DNAJC2: variants seen among roughly 807,000 people sequenced by gnomAD.
DNAJC2 encodes DnaJ heat shock protein family (Hsp40) member C2.
DNAJC2 carries 32 observed loss-of-function variants against 94.0 expected under a neutral mutation model. That is an observed-to-expected ratio of 0.34 (90% CI 0.26 to 0.46). The LOEUF (loss-of-function observed/expected upper bound fraction) is 0.46, where lower values mean the gene tolerates loss of function less well. Among genes scored for constraint, DNAJC2 ranks in the 20% least tolerant of loss-of-function variants. DNAJC2 has a pLI of 1.00. For synonymous variants in DNAJC2, 210 were observed against 229.7 expected (o/e 0.91, Z 0.77); for missense variants, 550 against 719.5 (o/e 0.76, Z 2.69).
At chr7:103,319,911 T>G in intron 10 of DNAJC2, 67 bp from the exon 11 acceptor site, 2 of 1,550,380 alleles carry the variant, frequency 1.3e-6, no homozygotes, top group Non-Finnish European at 1.8e-6. Context: ...ATTACAAAGC[T>G]GTAATCCCAG....
At chr7:103,333,689 G>A (rs373987283) in intron 3 of DNAJC2, among the ~76,000 whole-genome samples, 9 of 152,244 alleles carry the variant, frequency 5.9e-5, no homozygotes, top group Admixed American at 3.3e-4. Context: ...TGAGGCAACC[G>A]TTTTCTGATG....
Position 103,315,748 on chromosome 7 carries a change from G to T in DNAJC2, c.1636+16C>A. ...ACATGGCTAGCATTTTCTACGTTTA[G>T]AAAAGCAAAATTTACCTTCAAATCG... On this transcript the variant is annotated intron_variant, in intron 15 of 16. Transcript: ENST00000379263. The T allele has an allele frequency of 6.2e-7, 1 of 1,600,484 alleles. No individual in the cohort carries two copies. Among genetic ancestry groups the T allele is most frequent in the South Asian group, 1.1e-5 (1 of 90,620 alleles).
At position 103,316,489 on chromosome 7, in the gene DNAJC2, G is replaced by A. The variant is rs1389189850; in HGVS notation, c.1427+341C>T. ...CAGTTAAACTCAAGCTCCAGCTTGA[G>A]GTGGGAAAAAACAAAGAGCAAGACT... On this transcript the variant is annotated intron_variant, in intron 13 of 16. Transcript: ENST00000379263. 4 of 230,900 alleles carry A rather than the reference G, an allele frequency of 1.7e-5. No homozygotes were observed. The Admixed American group carries it at 2.1e-4, about 12-fold the overall frequency. 14.3% of individuals were successfully genotyped at this position (230,900 alleles called of 1,614,324 possible).
intron 10 of DNAJC2, among the ~76,000 whole-genome samples, chr7:103,321,014 A>G (rs1266943329): frequency 1.3e-5 from 2 of 151,860 alleles, no homozygotes; most frequent in Non-Finnish European, 2.9e-5. Flanking sequence ...CCTGGCCAAC[A>G]TGGTGAAACC....
chr7:103,317,854 T>C (rs1563457069), intron 12 of DNAJC2, among the ~76,000 whole-genome samples: 1 of 152,202 alleles, frequency 6.6e-6, no homozygotes, highest in Non-Finnish European at 1.5e-5. Flanking sequence ...TTTCATCATG[T>C]TGGCCAGGCT....
rs534911939 is a variant in DNAJC2, at chr7:103,325,999, A to T, written c.572+544T>A. On this transcript the variant is annotated intron_variant, in intron 5 of 16. Coordinates refer to ENST00000379263, the MANE Select transcript of DNAJC2 (RefSeq NM_014377.3). Reference sequence around the variant, plus strand: ...ATACTGTTATTTCTCTCAAAGCAAAATTTTTTTTTTTTGAGATGGAGTCTT... The same window carrying T: ...ATACTGTTATTTCTCTCAAAGCAAATTTTTTTTTTTTTGAGATGGAGTCTT... Among the ~76,000 whole-genome samples the T allele has an allele frequency of 3.1e-3, 458 of 148,276 alleles. 9 individuals carry two copies. Among genetic ancestry groups the T allele is most frequent in the Admixed American group, 0.03 (443 of 14,852 alleles).
chr7:103,340,462 C>A (rs1261277012), intron 2 of DNAJC2, among the ~76,000 whole-genome samples: 1 of 152,158 alleles, frequency 6.6e-6, no homozygotes, highest in Admixed American at 6.5e-5. Flanking sequence ...CTCTTATTAT[C>A]CATTATTTGT....
chr7:103,322,422 G>T, intron 9 of DNAJC2, 89 bp downstream of exon 9: 2 of 1,263,762 alleles, frequency 1.6e-6, no homozygotes, highest in Non-Finnish European at 2.1e-6. Context: ...TCGAATTATA[G>T]TTTTTTTTAA....
chr7:103,330,434 C>T (rs1818919542), intron 3 of DNAJC2, among the ~76,000 whole-genome samples: 1 of 149,742 alleles, frequency 6.7e-6, no homozygotes, highest in East Asian at 2.0e-4. Context: ...ATTACAGGTG[C>T]TCTCCACCAT....
rs1223186620 is a variant in DNAJC2, at chr7:103,326,416, G to A, written c.572+127C>T. 4 of 905,268 alleles carry A rather than the reference G, an allele frequency of 4.4e-6. No individual in the cohort carries two copies. The East Asian group carries it at 1.0e-4, about 24-fold the overall frequency. The allele number at this position is 905,268 out of a possible 1,614,324, so 56.1% of individuals were successfully genotyped here. A position where few individuals can be genotyped will look rare whatever the true frequency, so the allele number is the denominator to read the frequency against. On this transcript the variant is annotated intron_variant, in intron 5 of 16. Coordinates refer to ENST00000379263, the MANE Select transcript of DNAJC2 (RefSeq NM_014377.3). Reference sequence around the variant, plus strand: ...GCTGAATATTGCAGAGAAGGAGGAGGAGGAGGAAGAGACAGTGGAAATAAT... The same window carrying A: ...GCTGAATATTGCAGAGAAGGAGGAGAAGGAGGAAGAGACAGTGGAAATAAT...
Position 103,319,746 on chromosome 7 carries a change from A to G in DNAJC2, c.1172+10T>C. 3 of 1,614,228 alleles carry G rather than the reference A, an allele frequency of 1.9e-6. No homozygotes were observed. Among genetic ancestry groups the G allele is most frequent in the Non-Finnish European group, 8.5e-7 (1 of 1,180,038 alleles). On this transcript the variant is annotated intron_variant, in intron 11 of 16. Coordinates refer to ENST00000379263, the MANE Select transcript of DNAJC2 (RefSeq NM_014377.3). ...AAGTGAAGACTTCAATAGCAGTTCC[A>G]TAGGTATACCTTGCCAGTTCAAGCC...
intron 14 of DNAJC2, 34 bp downstream of exon 14, chr7:103,315,953 TG>T: frequency 1.3e-6 from 2 of 1,547,100 alleles, no homozygotes; most frequent in Non-Finnish European, 1.8e-6. Context: ...TAAAAATAGG[TG>T]TTTAAAGTAA....
rs1818019753 is a variant in DNAJC2, at chr7:103,315,818, C to T, written c.1582G>A (p.Glu528Lys). The change falls in exon 15 of 17, where the codon GAA (glutamate) becomes AAA (lysine). Residue 528 changes from glutamate (E) to lysine (K), a missense_variant. Around this residue, in one of 2 missense-constraint regions of DNAJC2, gnomAD observed 271 missense variants for 302.6 expected, o/e 0.90. Coordinates refer to ENST00000379263, the MANE Select transcript of DNAJC2 (RefSeq NM_014377.3). ...TCTGCTTGAGGTACCACTCCATGTT[C>T]TTTTTTGAACTTATCAAATGCCTTT... is the stretch of plus-strand genomic sequence containing the variant. ...NKKAFDKFKK[E>K]HGVVPQADNA... is the part of the protein sequence containing the mutation. 1 of 1,613,620 alleles carries T rather than the reference C, an allele frequency of 6.2e-7. No individual in the cohort carries two copies.
chr7:103,316,576 T>C (rs1369442918), intron 13 of DNAJC2: 1 of 432,488 alleles, frequency 2.3e-6, no homozygotes, highest in Non-Finnish European at 4.1e-6. Flanking sequence ...TAAGCCAACA[T>C]AAATCAAGAC....
intron 15 of DNAJC2, chr7:103,314,212 CTT>C (rs750792130): frequency 2.0e-6 from 2 of 985,256 alleles, no homozygotes; most frequent in Non-Finnish European, 2.4e-6. Flanking sequence ...TATTTCCTCT[CTT>C]GGAAAAAAGA....
At chr7:103,344,266 C>T in intron 1 of DNAJC2, 1 of 472,924 alleles carries the variant, frequency 2.1e-6, no homozygotes, top group South Asian at 3.4e-5. Context: ...GAGAACCTTT[C>T]TGGGGTGCTG....
intron 12 of DNAJC2, chr7:103,317,311 T>C: frequency 3.2e-6 from 1 of 309,290 alleles, no homozygotes; most frequent in Non-Finnish European, 5.9e-6. Flanking sequence ...CACTGAGTTA[T>C]TCATCCACAA....
chr7:103,315,920 T>C (rs1818028167), intron 14 of DNAJC2, 49 bp from the exon 15 acceptor site: 1 of 1,535,460 alleles, frequency 6.5e-7, no homozygotes, highest in East Asian at 2.3e-5. Context: ...ATTTAATCTT[T>C]CATTAAATTG....
chr7:103,331,223 G>T (rs1430525899), intron 3 of DNAJC2, among the ~76,000 whole-genome samples: 1 of 152,206 alleles, frequency 6.6e-6, no homozygotes, highest in Non-Finnish European at 1.5e-5. Context: ...CTCCCAAAGC[G>T]CTGGGATTAC....
Sources: gnomAD v4.1 joint callset for allele counts (sites outside exome capture counted in the v4.1 genomes callset) on GRCh38, gnomAD v4.1.1 for gene constraint, gnomAD v4.1.1 regional missense constraint, MANE v1.5 for transcripts, NCBI Gene and HGNC (gene_info 2026-07-23, HGNC 2026-07-21) for gene names.